The following MYO1D variants were observed in gnomAD, a reference collection of about 807,000 sequenced individuals.
MYO1D encodes unconventional myosin-Id.
In MYO1D, 83 loss-of-function variants were observed where a neutral mutation model predicts 122.0. The observed-to-expected ratio is 0.68, with a 90% CI of 0.57 to 0.82. The LOEUF (loss-of-function observed/expected upper bound fraction) is 0.82, where lower values mean the gene tolerates loss of function less well. Among genes scored for constraint, MYO1D ranks in the 40% least tolerant of loss-of-function variants. MYO1D has a pLI of 0.00. For synonymous variants in MYO1D, 464 were observed against 446.9 expected, an observed-to-expected ratio of 1.04 and a Z score of -0.48; for missense variants, 1,157 against 1,269.5, an observed-to-expected ratio of 0.91 and a Z score of 1.35.
At chr17:32,678,214 CAG>C (rs1333117939) in intron 16 of MYO1D, among the ~76,000 whole-genome samples, 2 of 152,058 alleles carry the variant, frequency 1.3e-5, no homozygotes, top group African/African-American at 4.8e-5. Context: ...AGCACCTCCT[CAG>C]AGAGGTCTTC....
chr17:32,764,906 G>A lies in MYO1D; in HGVS notation c.1007C>T (p.Ala336Val), dbSNP rs755699506. 6.2e-7 allele frequency: 1 copy of A among 1,614,076 alleles called. No homozygotes were observed. ...IIDKQHTEQE[A>V]SYGRDAFAKA... is the part of the protein sequence containing the mutation. Reference sequence around the variant, plus strand: ...GGCAAAGGCGTCTCTGCCGTAGCTGGCCTCTTGTTCTGTGTGCTGCTTGTC... The same window carrying A: ...GGCAAAGGCGTCTCTGCCGTAGCTGACCTCTTGTTCTGTGTGCTGCTTGTC... Residue 336 changes from alanine to valine, a missense_variant, in exon 8 of 22, where the codon GCC becomes GTC. Coordinates refer to ENST00000318217, the MANE Select transcript of MYO1D (RefSeq NM_015194.3).
intron 21 of MYO1D, among the ~76,000 whole-genome samples, chr17:32,593,684 T>A (rs576686432): frequency 1.9e-4 from 29 of 152,362 alleles, no homozygotes; most frequent in African/African-American, 6.7e-4. Flanking sequence ...ATGCCTGTAA[T>A]CCCAGCACTT....
intron 14 of MYO1D, among the ~76,000 whole-genome samples, chr17:32,732,066 T>C (rs2089647547): frequency 6.6e-6 from 1 of 152,212 alleles, no homozygotes; most frequent in African/African-American, 2.4e-5. Context: ...AGTGCTGATA[T>C]GCCAGCCCCC....
chr17:32,664,680 C>A (rs1054866489), intron 16 of MYO1D, among the ~76,000 whole-genome samples: 6 of 152,082 alleles, frequency 3.9e-5, no homozygotes, highest in Non-Finnish European at 8.8e-5. Context: ...AAGCAAGGGA[C>A]CATTTCTCAG....
At chr17:32,844,117 AT>A (rs1390481086) in intron 1 of MYO1D, among the ~76,000 whole-genome samples, 1 of 150,236 alleles carries the variant, frequency 6.7e-6, no homozygotes, top group Non-Finnish European at 1.5e-5. Context: ...TTTATTAAAT[AT>A]TCTATTATAT....
chr17:32,511,513 G>A (rs1455323447), intron 21 of MYO1D, among the ~76,000 whole-genome samples: 1 of 150,444 alleles, frequency 6.6e-6, no homozygotes, highest in Admixed American at 6.6e-5. Flanking sequence ...AGCTCCCCCC[G>A]CGAACTTCTC....
chr17:32,646,030 G>C (rs2088288879), intron 19 of MYO1D, among the ~76,000 whole-genome samples: 1 of 151,982 alleles, frequency 6.6e-6, no homozygotes, highest in Non-Finnish European at 1.5e-5. Context: ...CGATCTTTGT[G>C]GTTTTATCTA....
At chr17:32,702,691 G>A (rs997410344) in intron 16 of MYO1D, among the ~76,000 whole-genome samples, 2 of 152,016 alleles carry the variant, frequency 1.3e-5, no homozygotes, top group Non-Finnish European at 2.9e-5. Context: ...TACATTCTGG[G>A]GACTGAATGC....
rs535561548 is a variant in MYO1D at position 32,655,806 on chromosome 17, T to C, written c.2346-1185A>G. On this transcript the variant is annotated intron_variant, in intron 17 of 21. Coordinates refer to ENST00000318217, the MANE Select transcript of MYO1D (RefSeq NM_015194.3). ...TTTAAAAGGGTCATTGTGGTTGCTA[T>C]AGGCTGGGAACAGGAAGACCTGTTA... is the stretch of plus-strand genomic sequence containing the variant. Among the ~76,000 whole-genome samples, 3 of 152,280 alleles carry C rather than the reference T, an allele frequency of 2.0e-5. No individual in the cohort carries two copies. The East Asian group carries it at 5.8e-4, about 29-fold the overall frequency.
At chr17:32,738,916 G>A (rs370290951) in intron 13 of MYO1D, among the ~76,000 whole-genome samples, 8 of 152,084 alleles carry the variant, frequency 5.3e-5, no homozygotes, top group African/African-American at 1.9e-4. Context: ...ATTGTCCCTC[G>A]TAAATCCCTT....
chr17:32,606,045 A>G (rs919110600), intron 20 of MYO1D, among the ~76,000 whole-genome samples: 1 of 152,170 alleles, frequency 6.6e-6, no homozygotes, highest in Non-Finnish European at 1.5e-5. Flanking sequence ...GGTTGCCGTG[A>G]GCTGAGATCA....
chr17:32,494,996 A>G, intron 21 of MYO1D, 81 bp from the exon 22 acceptor site: 1 of 1,445,934 alleles, frequency 6.9e-7, no homozygotes, highest in South Asian at 1.4e-5. Context: ...CCCGGCCACC[A>G]TTGGCTCCGG....
At chr17:32,772,168 C>A (rs1035859857) in intron 5 of MYO1D, among the ~76,000 whole-genome samples, 5 of 152,114 alleles carry the variant, frequency 3.3e-5, no homozygotes, top group East Asian at 1.9e-4. Context: ...TAAAAACTTA[C>A]AATAATATAT....
chr17:32,707,557 TA>T (rs34450089), intron 16 of MYO1D, among the ~76,000 whole-genome samples: 79,268 of 151,854 alleles, frequency 0.52, 21,376 homozygotes, highest in East Asian at 0.73. Context: ...TAGGGAAGAC[TA>T]ATGGGGGTCC....
intron 21 of MYO1D, among the ~76,000 whole-genome samples, chr17:32,554,986 T>C (rs2087055614): frequency 6.6e-6 from 1 of 152,164 alleles, no homozygotes; most frequent in Admixed American, 6.5e-5. Flanking sequence ...TAGAAAAATG[T>C]ACGAAAAGCC....
chr17:32,708,398 T>C (rs2089335087), intron 16 of MYO1D, among the ~76,000 whole-genome samples: 1 of 152,216 alleles, frequency 6.6e-6, no homozygotes, highest in Admixed American at 6.5e-5. Flanking sequence ...TGCTTTAAAT[T>C]TGTTCTTACA....
chr17:32,568,868 A>G (rs1383525176), intron 21 of MYO1D, among the ~76,000 whole-genome samples: 1 of 152,214 alleles, frequency 6.6e-6, no homozygotes, highest in African/African-American at 2.4e-5. Flanking sequence ...CACTGGAATT[A>G]CAGGTCCAGC....
intron 21 of MYO1D, among the ~76,000 whole-genome samples, chr17:32,535,341 T>C (rs1239981142): frequency 6.6e-6 from 1 of 152,258 alleles, no homozygotes; most frequent in Non-Finnish European, 1.5e-5. Flanking sequence ...TATGACCTAG[T>C]ACATAGCACT....
chr17:32,757,084 C>G (rs1384048715), intron 10 of MYO1D, among the ~76,000 whole-genome samples: 1 of 152,132 alleles, frequency 6.6e-6, no homozygotes, highest in African/African-American at 2.4e-5. Flanking sequence ...TCTATATACT[C>G]ATAATAGACC....
Sources: gnomAD v4.1 joint callset for allele counts (sites outside exome capture counted in the v4.1 genomes callset) on GRCh38, gnomAD v4.1.1 for gene constraint, MANE v1.5 for transcripts, NCBI Gene and HGNC (gene_info 2026-07-23, HGNC 2026-07-21) for gene names.